PAK3: variants seen among roughly 807,000 people sequenced by gnomAD.
PAK3 encodes p21 (RAC1) activated kinase 3, also known as serine/threonine-protein kinase PAK 3.
In PAK3, 4 loss-of-function variants were observed where a neutral mutation model predicts 41.0. The observed-to-expected ratio is 0.10, with a 90% confidence interval of 0.05 to 0.22. The LOEUF (loss-of-function observed/expected upper bound fraction) is 0.22, where lower values mean the gene tolerates loss of function less well. Ranked by LOEUF, PAK3 falls within the 10% of genes least tolerant of loss-of-function variation. PAK3 has a pLI of 1.00. For missense variants in PAK3, 205 were observed against 409.9 expected, an observed-to-expected ratio of 0.50 and a Z score of 4.32; for synonymous variants, 146 against 139.6, an observed-to-expected ratio of 1.05 and a Z score of -0.32.
chrX:111,108,969 A>G (rs958337227), intron 4 of PAK3, among the ~76,000 whole-genome samples: 4 of 112,059 alleles, frequency 3.6e-5, no homozygotes, highest in African/African-American at 9.7e-5. Flanking sequence ...TTCCATTTCA[A>G]TAGAGGTGTT....
chrX:111,077,667 G>A (rs1009260476), intron 1 of PAK3, among the ~76,000 whole-genome samples: 4 of 111,720 alleles, frequency 3.6e-5, no homozygotes, highest in Non-Finnish European at 7.5e-5. Context: ...GTCAAAATGG[G>A]TTGAAGACTT....
rs1288187042 is a variant in PAK3 at position 111,224,903 on chromosome X, G to A, written c.*4456G>A. The A allele has an allele frequency of 2.7e-5, 3 of 112,012 alleles. No individual in the cohort carries two copies. The highest frequency in any genetic ancestry group is 3.7e-4 in the South Asian group (1 of 2,680). The allele number at this position is 112,012 out of a possible 1,213,427, so 9.2% of individuals were successfully genotyped here. A position where few individuals can be genotyped will look rare whatever the true frequency, so the allele number is the denominator to read the frequency against. On this transcript the variant is annotated 3_prime_UTR_variant, in exon 18 of 18. Coordinates refer to ENST00000372007, the MANE Select transcript of PAK3 (RefSeq NM_002578.5). ...GGGGAGTCTTAACCCTGCCATCCCC[G>A]GTTGAATCTCTTGGTCTTTATCTAA...
intron 5 of PAK3, among the ~76,000 whole-genome samples, chrX:111,124,203 T>C (rs1179612288): frequency 8.9e-6 from 1 of 112,242 alleles, no homozygotes; most frequent in Non-Finnish European, 1.9e-5. Flanking sequence ...GTACTGCCAC[T>C]TGTACACCTG....
chrX:111,108,553 A>G (rs1213992005), intron 4 of PAK3, among the ~76,000 whole-genome samples: 1 of 112,366 alleles, frequency 8.9e-6, no homozygotes, highest in African/African-American at 3.2e-5. Flanking sequence ...CGTGAGCCCT[A>G]TTGTGAACTG....
intron 1 of PAK3, among the ~76,000 whole-genome samples, chrX:111,026,093 A>G (rs760821630): frequency 8.9e-6 from 1 of 111,945 alleles, no homozygotes; most frequent in South Asian, 3.7e-4. Flanking sequence ...AAAGCATTTG[A>G]CAAAATCCAG....
intron 1 of PAK3, among the ~76,000 whole-genome samples, chrX:111,053,122 G>T (rs960309856): frequency 1.8e-5 from 2 of 111,668 alleles, no homozygotes; most frequent in African/African-American, 6.5e-5. Context: ...TCTGAAGCCA[G>T]GCCTTCTTGT....
intron 16 of PAK3, among the ~76,000 whole-genome samples, chrX:111,211,599 C>T (rs747812891): frequency 9.5e-6 from 1 of 105,579 alleles, no homozygotes; most frequent in South Asian, 4.3e-4. Context: ...TTGCTTGAAC[C>T]CAGGAGGTGG....
intron 1 of PAK3, among the ~76,000 whole-genome samples, chrX:110,991,468 G>A (rs766231158): frequency 5.4e-5 from 6 of 111,306 alleles, no homozygotes; most frequent in East Asian, 5.6e-4. Context: ...CTCGTTTCTC[G>A]GTTTCCTGGT....
chrX:111,068,416 C>A (rs1443701426), intron 1 of PAK3, among the ~76,000 whole-genome samples: 1 of 112,225 alleles, frequency 8.9e-6, no homozygotes, highest in Non-Finnish European at 1.9e-5. Flanking sequence ...CCTCCCACCT[C>A]AGCCACCTGA....
chrX:111,073,097 G>A (rs2092758624), intron 1 of PAK3, among the ~76,000 whole-genome samples: 1 of 111,240 alleles, frequency 9.0e-6, no homozygotes, highest in Non-Finnish European at 1.9e-5. Context: ...TGTTCCCACA[G>A]CCACAGGTAC....
chrX:111,123,363 G>T (rs1409832845), intron 5 of PAK3, 85 bp downstream of exon 5: 3 of 854,919 alleles, frequency 3.5e-6, no homozygotes, highest in African/African-American at 4.0e-5. Flanking sequence ...GTTTCTTGAG[G>T]ATTGACTGTT....
chrX:111,084,951 C>T (rs753715713), intron 1 of PAK3, among the ~76,000 whole-genome samples: 2 of 111,532 alleles, frequency 1.8e-5, no homozygotes, highest in Non-Finnish European at 1.9e-5. Flanking sequence ...TGGCCTAGTC[C>T]ATGTCTCTGG....
intron 1 of PAK3, among the ~76,000 whole-genome samples, chrX:110,983,506 G>A (rs1425286775): frequency 1.1e-5 from 1 of 90,040 alleles, no homozygotes; most frequent in African/African-American, 4.1e-5. Context: ...GTGTGTGTTT[G>A]TGTGCATGTG....
At chrX:110,998,782 G>T (rs752601691) in intron 1 of PAK3, among the ~76,000 whole-genome samples, 8 of 112,319 alleles carry the variant, frequency 7.1e-5, no homozygotes, top group Non-Finnish European at 1.5e-4. Flanking sequence ...TTGTTGAATG[G>T]TGAATGATCA....
At chrX:110,950,071 C>T (rs1188633051) in intron 1 of PAK3, among the ~76,000 whole-genome samples, 1 of 110,212 alleles carries the variant, frequency 9.1e-6, no homozygotes, top group Non-Finnish European at 1.9e-5. Context: ...CATTTAAAGG[C>T]TGGGAGTGGG....
At chrX:111,043,073 T>C (rs1475762594) in intron 1 of PAK3, among the ~76,000 whole-genome samples, 1 of 110,955 alleles carries the variant, frequency 9.0e-6, no homozygotes, top group East Asian at 2.9e-4. Context: ...GAGAATCACT[T>C]GAGCCCAGGA....
intron 4 of PAK3, among the ~76,000 whole-genome samples, chrX:111,106,208 T>C (rs1016510854): frequency 1.8e-5 from 2 of 111,589 alleles, no homozygotes; most frequent in African/African-American, 6.5e-5. Context: ...ACTTTCATAC[T>C]GACACACCCT....
Position 111,082,233 on chromosome X carries a change from A to G in PAK3, c.-27-40844A>G, listed in dbSNP as rs570176635. Among the ~76,000 whole-genome samples, 4 of 111,625 alleles carry G rather than the reference A, an allele frequency of 3.6e-5. No homozygotes were observed. The South Asian group carries it at 1.1e-3, about 32-fold the overall frequency. ...CGAAGAGAGTGAGAGTGGAAGAACA[A>G]TATGAAAGGACTGTTCCTGACAACT... On this transcript the variant is annotated intron_variant, in intron 1 of 14. Coordinates refer to the PAK3 transcript ENST00000425146.
intron 1 of PAK3, among the ~76,000 whole-genome samples, chrX:110,993,320 C>G (rs975838489): frequency 1.6e-4 from 18 of 111,410 alleles, no homozygotes; most frequent in Non-Finnish European, 3.2e-4. Context: ...ACAAAATGGA[C>G]TTTTAAAATT....
Sources: allele counts gnomAD v4.1 joint callset (sites outside exome capture counted in the v4.1 genomes callset), GRCh38; gene constraint gnomAD v4.1.1; transcripts MANE v1.5; gene names NCBI Gene and HGNC (gene_info 2026-07-23, HGNC 2026-07-21).